The following MAST4 variants were observed in gnomAD, a reference collection of about 807,000 sequenced individuals.
MAST4 encodes microtubule associated serine/threonine kinase family member 4, also known as microtubule-associated serine/threonine-protein kinase 4.
MAST4 carries 89 observed loss-of-function variants against 162.7 expected under a neutral mutation model. That is an observed-to-expected ratio of 0.55 (90% CI 0.46 to 0.65). The LOEUF (loss-of-function observed/expected upper bound fraction) is 0.65. Among genes scored for constraint, MAST4 ranks in the 30% least tolerant of loss-of-function variants. MAST4 has a pLI of 0.00. For synonymous variants in MAST4, 1,479 were observed against 1,361.1 expected (o/e 1.09, Z -1.91); for missense variants, 3,153 against 3,374.0 (o/e 0.93, Z 1.62).
intron 3 of MAST4, among the ~76,000 whole-genome samples, chr5:66,865,282 A>G (rs1166050109): frequency 6.6e-6 from 1 of 152,238 alleles, no homozygotes; most frequent in African/African-American, 2.4e-5. Flanking sequence ...ATCACACTCT[A>G]CCACTGCTGC....
intron 18 of MAST4, 71 bp from the exon 19 acceptor site, chr5:67,136,492 G>T (rs1769659583): frequency 2.7e-6 from 3 of 1,120,468 alleles, no homozygotes; most frequent in Non-Finnish European, 4.0e-6. Context: ...ATTCCCAGGT[G>T]ATGTCCATGT....
intron 26 of MAST4, among the ~76,000 whole-genome samples, chr5:67,156,407 T>G (rs1342571815): frequency 6.6e-6 from 1 of 152,218 alleles, no homozygotes; most frequent in Non-Finnish European, 1.5e-5. Context: ...TAAAGTCTGC[T>G]GTTCACAGGG....
rs926301013 is a variant in MAST4, at chr5:66,815,238, G to A, written c.642+26444G>A. Among the ~76,000 whole-genome samples, 10 of 152,224 alleles carry A rather than the reference G, an allele frequency of 6.6e-5. No individual in the cohort carries two copies. In the East Asian group the frequency reaches 7.7e-4, roughly 12 times the overall value. On this transcript the variant is annotated intron_variant, in intron 3 of 28. Coordinates refer to ENST00000403625, the MANE Select transcript of MAST4 (RefSeq NM_001164664.2). ...TTCTTTAGAAGCATATAAAGGAAGCGACATTTCTATTTCTTAATCCAAGTA... is the reference window on the plus strand; with the variant it reads ...TTCTTTAGAAGCATATAAAGGAAGCAACATTTCTATTTCTTAATCCAAGTA...
intron 4 of MAST4, among the ~76,000 whole-genome samples, chr5:66,957,288 T>G (rs1057473840): frequency 2.0e-5 from 3 of 152,098 alleles, no homozygotes; most frequent in Non-Finnish European, 4.4e-5. Flanking sequence ...TTTCGAACTT[T>G]CCCCGACCAA....
At chr5:67,078,917 T>TATATATATAAATAAATATATATATATA (rs1561622033) in intron 5 of MAST4, among the ~76,000 whole-genome samples, 1 of 55,108 alleles carries the variant, frequency 1.8e-5, no homozygotes, top group African/African-American at 1.1e-4. Flanking sequence ...TATAAATATA[T>TATATATATAAATAAATATATATATATA]ATATATATAT....
rs1755385727 is a variant in MAST4, at chr5:66,791,175, C to G, written c.642+2381C>G. ...AGTAGCTGGGATTACAGGAGTACACCACCACGCCTGACTAATTTTTGCATT... is the reference window on the plus strand; with the variant it reads ...AGTAGCTGGGATTACAGGAGTACACGACCACGCCTGACTAATTTTTGCATT... On this transcript the variant is annotated intron_variant, in intron 3 of 28. Transcript: ENST00000403625. Among the ~76,000 whole-genome samples the G allele has an allele frequency of 2.0e-5, 3 of 152,168 alleles. No homozygotes were observed. The South Asian group carries it at 6.2e-4, about 32-fold the overall frequency.
At chr5:66,977,969 T>G (rs983060605) in intron 4 of MAST4, among the ~76,000 whole-genome samples, 2 of 152,204 alleles carry the variant, frequency 1.3e-5, no homozygotes, top group Non-Finnish European at 2.9e-5. Context: ...TCTTTGAAGC[T>G]TCAAAGTAGA....
intron 4 of MAST4, among the ~76,000 whole-genome samples, chr5:66,975,668 C>T (rs1748053731): frequency 6.6e-6 from 1 of 152,122 alleles, no homozygotes; most frequent in Admixed American, 6.6e-5. Context: ...ACCAGTCCTG[C>T]TTCCCACAGT....
At chr5:66,802,466 TA>T in intron 3 of MAST4, among the ~76,000 whole-genome samples, 1 of 152,174 alleles carries the variant, frequency 6.6e-6, no homozygotes. Flanking sequence ...TTACAGTTCT[TA>T]AAAAAACTAT....
chr5:66,972,554 G>C (rs956970686), intron 4 of MAST4, among the ~76,000 whole-genome samples: 1 of 151,584 alleles, frequency 6.6e-6, no homozygotes, highest in African/African-American at 2.4e-5. Flanking sequence ...AGATTTGGGG[G>C]CATGTGCCAT....
chr5:67,049,063 A>ATATATATATATACG (rs1757837398), intron 4 of MAST4, among the ~76,000 whole-genome samples: 5 of 98,560 alleles, frequency 5.1e-5, no homozygotes, highest in African/African-American at 1.7e-4. Context: ...ATATATACGT[A>ATATATATATATACG]TATATATATA....
chr5:67,022,887 T>A (rs1359998175), intron 4 of MAST4, among the ~76,000 whole-genome samples: 2 of 151,870 alleles, frequency 1.3e-5, no homozygotes, highest in Non-Finnish European at 2.9e-5. Context: ...TTTTTTTTTT[T>A]AAGTTTCATA....
chr5:66,797,099 C>T (rs1372257647), intron 3 of MAST4, among the ~76,000 whole-genome samples: 2 of 152,168 alleles, frequency 1.3e-5, no homozygotes, highest in Admixed American at 6.5e-5. Flanking sequence ...ACAGGTTCCC[C>T]TCTGGTGGAC....
intron 2 of MAST4, among the ~76,000 whole-genome samples, chr5:66,787,210 T>C (rs1364590144): frequency 2.0e-5 from 3 of 152,206 alleles, no homozygotes; most frequent in African/African-American, 7.2e-5. Flanking sequence ...TAACTTTACA[T>C]AGTCAAGTCT....
chr5:67,156,069 A>G (rs1460406923), intron 26 of MAST4, among the ~76,000 whole-genome samples: 10 of 151,972 alleles, frequency 6.6e-5, no homozygotes, highest in African/African-American at 2.4e-4. Context: ...AAGAAAAAAA[A>G]AAAAAAAAAG....
chr5:66,935,641 T>C (rs956490437), intron 4 of MAST4, among the ~76,000 whole-genome samples: 28 of 151,904 alleles, frequency 1.8e-4, no homozygotes, highest in African/African-American at 6.3e-4. Flanking sequence ...GTCAGATGCT[T>C]CTCCATAGAC....
In MAST4 at chr5:67,160,559, G is replaced by A; in HGVS notation, c.3752G>A (p.Ser1251Asn). ...NSYKSRMVRR[S>N]KKSKKKESLE... Reference sequence around the variant, plus strand: ...TATAAGAGCCGGATGGTGAGGCGGAGCAAGAAATCCAAGAAGAAAGAAAGT... The same window carrying A: ...TATAAGAGCCGGATGGTGAGGCGGAACAAGAAATCCAAGAAGAAAGAAAGT... Residue 1251 changes from serine to asparagine, a missense_variant, in exon 27 of 29, where the codon AGC (serine) becomes AAC (asparagine). Ser to Asn is a conservative substitution (Grantham distance 46, BLOSUM62 1). Coordinates refer to ENST00000403625, the MANE Select transcript of MAST4 (RefSeq NM_001164664.2). 4 of 1,613,614 alleles carry A rather than the reference G, an allele frequency of 2.5e-6. No homozygotes were observed. Among genetic ancestry groups the A allele is most frequent in the East Asian group, 2.2e-5 (1 of 44,864 alleles).
chr5:67,122,107 G>T (rs1004842092), intron 14 of MAST4, among the ~76,000 whole-genome samples: 1 of 152,152 alleles, frequency 6.6e-6, no homozygotes, highest in Admixed American at 6.6e-5. Context: ...TAATAGTTTA[G>T]AAGGGTAATT....
chr5:66,899,875 A>G (rs1420605317), intron 3 of MAST4, 76 bp from the exon 4 acceptor site: 2 of 1,164,126 alleles, frequency 1.7e-6, no homozygotes, highest in Non-Finnish European at 2.4e-6. Context: ...GATACATTCT[A>G]CGTTATCCAT....
Sources: gnomAD v4.1 joint callset for allele counts (sites outside exome capture counted in the v4.1 genomes callset) on GRCh38, gnomAD v4.1.1 for gene constraint, MANE v1.5 for transcripts, NCBI Gene and HGNC (gene_info 2026-07-23, HGNC 2026-07-21) for gene names.